Variants in RBPJ observed in about 807,000 individuals in gnomAD.
The protein encoded by RBPJ is recombination signal binding protein for immunoglobulin kappa J region.
In RBPJ, 9 loss-of-function variants were observed where a neutral mutation model predicts 67.8. The observed-to-expected ratio is 0.13, with a 90% CI of 0.08 to 0.23. The LOEUF (loss-of-function observed/expected upper bound fraction) is 0.23, where lower values mean the gene tolerates loss of function less well. Ranked by LOEUF, RBPJ falls within the 10% of genes least tolerant of loss-of-function variation. RBPJ has a pLI of 1.00. For synonymous variants in RBPJ, 198 were observed against 203.3 expected, an observed-to-expected ratio of 0.97 and a Z score of 0.22; for missense variants, 305 against 595.6, an observed-to-expected ratio of 0.51 and a Z score of 5.08.
chr4:26,406,846 C>G (rs1180880682), intron 3 of RBPJ, among the ~76,000 whole-genome samples: 1 of 152,196 alleles, frequency 6.6e-6, no homozygotes. Flanking sequence ...CCAGACATGC[C>G]TGAATAAGCC....
chr4:26,107,283 T>A, the RBPJ span, among the ~76,000 whole-genome samples: 1 of 152,268 alleles, frequency 6.6e-6, no homozygotes, highest in African/African-American at 2.4e-5. Flanking sequence ...AATTCAGGAC[T>A]CCTCCTAACA....
At chr4:26,279,671 C>T (rs151065136) in intron 1 of RBPJ, among the ~76,000 whole-genome samples, 25 of 151,888 alleles carry the variant, frequency 1.6e-4, no homozygotes, top group Admixed American at 5.2e-4. Flanking sequence ...CAAGCGGTGA[C>T]GAATTTCAGT....
chr4:26,282,924 C>CTTT (rs67501530), intron 1 of RBPJ, among the ~76,000 whole-genome samples: 98 of 61,642 alleles, frequency 1.6e-3, no homozygotes, highest in Admixed American at 3.3e-3. Context: ...AGTGTAGATT[C>CTTT]TTTTTTTTTT....
Position 26,430,141 on chromosome 4 carries a change from G to T in RBPJ, c.1044+88G>T, listed in dbSNP as rs547719141. 3 of 1,447,814 alleles carry T rather than the reference G, an allele frequency of 2.1e-6. No individual in the cohort carries two copies. The highest frequency in any genetic ancestry group is 2.3e-5 in the East Asian group (1 of 44,144). 89.7% of individuals were successfully genotyped at this position (1,447,814 alleles called of 1,614,324 possible). On this transcript the variant is annotated intron_variant, in intron 9 of 10. Transcript: ENST00000355476. This position sits in a 1 kb window ranked among gnomAD's most constrained non-coding sequence, Gnocchi z 4.1. Reference sequence around the variant, plus strand: ...CATCATTTCATTTCATGGGAGTTTTGATTTTTCTCCAATCGTCTGATTAGG... The same window carrying T: ...CATCATTTCATTTCATGGGAGTTTTTATTTTTCTCCAATCGTCTGATTAGG...
At chr4:26,302,551 A>C (rs1204793415) in intron 1 of RBPJ, among the ~76,000 whole-genome samples, 2 of 152,152 alleles carry the variant, frequency 1.3e-5, no homozygotes, top group Non-Finnish European at 2.9e-5. Flanking sequence ...TTGGGGTCCT[A>C]ATTCACAATG....
chr4:26,156,047 T>G, the RBPJ span, among the ~76,000 whole-genome samples: 1 of 152,180 alleles, frequency 6.6e-6, no homozygotes, highest in African/African-American at 2.4e-5. Flanking sequence ...GTGTCTGACA[T>G]AAACAACTTG....
intron 1 of RBPJ, among the ~76,000 whole-genome samples, chr4:26,203,799 C>T (rs1718072964): frequency 6.6e-6 from 1 of 152,212 alleles, no homozygotes; most frequent in African/African-American, 2.4e-5. Flanking sequence ...GCTTCATTGC[C>T]TCACTCTACC....
intron 1 of RBPJ, among the ~76,000 whole-genome samples, chr4:26,366,672 G>A (rs1346815202): frequency 3.3e-5 from 5 of 151,878 alleles, no homozygotes; most frequent in South Asian, 4.2e-4. Context: ...TGCCTGCCTC[G>A]GCTTCCCAAA....
At chr4:26,414,279 C>T (rs1213998229) in intron 3 of RBPJ, among the ~76,000 whole-genome samples, 1 of 152,086 alleles carries the variant, frequency 6.6e-6, no homozygotes, top group African/African-American at 2.4e-5. Context: ...AGTTGGTCCT[C>T]CCACCTCAGC....
chr4:26,106,771 C>T, the RBPJ span, among the ~76,000 whole-genome samples: 3 of 152,154 alleles, frequency 2.0e-5, no homozygotes, highest in Non-Finnish European at 4.4e-5. Context: ...ATGTATTCTG[C>T]TCTCTGCAGC....
At chr4:26,261,863 C>A (rs911080814) in intron 1 of RBPJ, among the ~76,000 whole-genome samples, 1 of 152,160 alleles carries the variant, frequency 6.6e-6, no homozygotes, top group Non-Finnish European at 1.5e-5. Flanking sequence ...AGGTTCTCAG[C>A]CATTTATACC....
intron 8 of RBPJ, 84 bp from the exon 9 acceptor site, chr4:26,429,814 G>C (rs1159741684): frequency 8.8e-7 from 1 of 1,139,044 alleles, no homozygotes. Flanking sequence ...ATTAACTCTT[G>C]TCTGAGGGTT....
rs1238969919 is a variant in RBPJ, at chr4:26,214,970, GGGAGGGAA to G, written c.-167+51360_-167+51367del. On this transcript the variant is annotated intron_variant, in intron 1 of 4. Coordinates refer to the RBPJ transcript ENST00000512351. ...AAGGACGGAAGGAAGGAGGGAGGGA[GGGAGGGAA>G]GGAAGGAGGGAGGGAGGGAGGGAAG... Among the ~76,000 whole-genome samples, 79 of 17,006 alleles carry G rather than the reference GGGAGGGAA, an allele frequency of 4.6e-3. 5 individuals carry two copies. The highest frequency in any genetic ancestry group is 0.027 in the African/African-American group (78 of 2,876). 11.2% of individuals were successfully genotyped at this position (17,006 alleles called of 152,430 possible).
chr4:26,113,582 A>G, the RBPJ span: 1 of 433,564 alleles, frequency 2.3e-6, no homozygotes, highest in South Asian at 2.2e-5. Context: ...CTATGAATGC[A>G]AAGCACATGG....
At chr4:26,366,572 G>A (rs778006044) in intron 1 of RBPJ, among the ~76,000 whole-genome samples, 4 of 151,810 alleles carry the variant, frequency 2.6e-5, no homozygotes, top group African/African-American at 4.8e-5. Context: ...CTACAGGCGC[G>A]TGCCATCATG....
At position 26,358,556 on chromosome 4, in the gene RBPJ, C is replaced by G. The variant is rs1410276429; in HGVS notation, c.21-27797C>G. Among the ~76,000 whole-genome samples, 3 of 144,724 alleles carry G rather than the reference C, an allele frequency of 2.1e-5. No individual in the cohort carries two copies. In the East Asian group the frequency reaches 6.1e-4, roughly 29 times the overall value. 94.9% of individuals were successfully genotyped at this position (144,724 alleles called of 152,430 possible). ...TTGGGAGGCCAAGGTAGGAGGATCA[C>G]TTGAGGCCAGGGGTTTGAGACCAGC... On this transcript the variant is annotated intron_variant, in intron 1 of 10. Transcript: ENST00000355476.
At chr4:26,191,113 C>A (rs552668459) in intron 1 of RBPJ, among the ~76,000 whole-genome samples, 1 of 130,058 alleles carries the variant, frequency 7.7e-6, no homozygotes, top group Non-Finnish European at 1.5e-5. Flanking sequence ...GACTGCACCA[C>A]TGCATTCCAG....
At chr4:26,273,383 C>G (rs149660728) in intron 1 of RBPJ, among the ~76,000 whole-genome samples, 5 of 152,316 alleles carry the variant, frequency 3.3e-5, no homozygotes, top group Admixed American at 6.5e-5. Context: ...TGACTTTTTT[C>G]CAAGCTCCCA....
upstream of RBPJ, among the ~76,000 whole-genome samples, chr4:26,315,723 C>T (rs749465245): frequency 1.3e-5 from 2 of 152,022 alleles, no homozygotes; most frequent in Non-Finnish European, 2.9e-5. Context: ...GGGACCAGGG[C>T]ATATTTGAGT....
Sources: gnomAD v4.1 joint callset for allele counts (sites outside exome capture counted in the v4.1 genomes callset) on GRCh38, gnomAD v4.1.1 for gene constraint, Gnocchi (gnomAD v3.1) non-coding constraint, MANE v1.5 for transcripts, NCBI Gene and HGNC (gene_info 2026-07-23, HGNC 2026-07-21) for gene names.